NGF: variants seen among roughly 807,000 people sequenced by gnomAD.
NGF encodes beta-nerve growth factor.
A neutral mutation model predicts 12.8 loss-of-function variants in NGF; 4 were observed. The observed-to-expected ratio is 0.31, with a 90% CI of 0.15 to 0.72. The LOEUF is 0.72. Ranked by LOEUF, NGF falls within the 30% of genes least tolerant of loss-of-function variation. The pLI, the probability that NGF is intolerant of heterozygous loss-of-function variation, is 0.69. For missense variants in NGF, 283 were observed against 330.8 expected, an observed-to-expected ratio of 0.86 and a Z score of 1.12; for synonymous variants, 140 against 130.0, an observed-to-expected ratio of 1.08 and a Z score of -0.52.
intron 1 of NGF, among the ~76,000 whole-genome samples, chr1:115,328,950 G>C (rs953483238): frequency 1.1e-4 from 17 of 152,186 alleles, no homozygotes; most frequent in African/African-American, 4.1e-4. Context: ...CTTCTTTGCT[G>C]TGTTTGCCAG....
Position 115,316,296 on chromosome 1 carries a change from G to A in NGF, c.-137+21908C>T, listed in dbSNP as rs147032799. 2.4e-4 allele frequency among the ~76,000 whole-genome samples: 37 copies of A among 152,250 alleles called. No individual in the cohort carries two copies. In the East Asian group the frequency reaches 7.1e-3, roughly 29 times the overall value. On this transcript the variant is annotated intron_variant, in intron 1 of 2. Transcript: ENST00000369512. ...ATTCATTACATCTAGGGCTGGCTGGGAAGAGATCTAAGAGCCAATGTGGGC... is the reference window on the plus strand; with the variant it reads ...ATTCATTACATCTAGGGCTGGCTGGAAAGAGATCTAAGAGCCAATGTGGGC...
Position 115,317,776 on chromosome 1 carries a change from C to T in NGF, c.-137+20428G>A, listed in dbSNP as rs1316450284. Among the ~76,000 whole-genome samples the T allele has an allele frequency of 3.9e-5, 6 of 152,244 alleles. No individual in the cohort carries two copies. The East Asian group carries it at 1.2e-3, about 29-fold the overall frequency. ...TGTAACTTGAAATGCATCCCTGCCG[C>T]TGGCAGGAGTCCCGTGTTTACTGTA... On this transcript the variant is annotated intron_variant, in intron 1 of 2. Transcript: ENST00000369512.
At chr1:115,319,004 T>C (rs554112866) in intron 1 of NGF, among the ~76,000 whole-genome samples, 1 of 152,334 alleles carries the variant, frequency 6.6e-6, no homozygotes, top group East Asian at 1.9e-4. Flanking sequence ...ATTCAAACTC[T>C]GTATGTTCCT....
intron 2 of NGF, among the ~76,000 whole-genome samples, chr1:115,288,929 A>G (rs1213000438): frequency 1.3e-5 from 2 of 152,206 alleles, no homozygotes; most frequent in Admixed American, 1.3e-4. Flanking sequence ...AAGGCAACAC[A>G]TTCTTCTCCT....
At chr1:115,303,313 G>A (rs545439442) in intron 1 of NGF, among the ~76,000 whole-genome samples, 28 of 152,216 alleles carry the variant, frequency 1.8e-4, no homozygotes, top group African/African-American at 5.5e-4. Context: ...CTATCACAGC[G>A]TTTAGATAGG....
chr1:115,313,422 C>T (rs1654387752), intron 1 of NGF, among the ~76,000 whole-genome samples: 1 of 152,178 alleles, frequency 6.6e-6, no homozygotes, highest in Admixed American at 6.5e-5. Context: ...TGAACTGGGA[C>T]AGCTGTTGTT....
Position 115,328,768 on chromosome 1 carries a change from C to T in NGF, c.-137+9436G>A, listed in dbSNP as rs182699277. On this transcript the variant is annotated intron_variant, in intron 1 of 2. Transcript: ENST00000369512. The stretch of plus-strand genomic sequence containing the variant: ...AGTGGCAAGGCCATGAAAGGCCATG[C>T]TACCCAATGTCAGTGCCCAGTGACA... Among the ~76,000 whole-genome samples the T allele has an allele frequency of 1.2e-4, 19 of 152,300 alleles. No homozygotes were observed. The East Asian group carries it at 3.5e-3, about 28-fold the overall frequency.
At chr1:115,287,537 A>C (rs1653552431) in intron 2 of NGF, among the ~76,000 whole-genome samples, 1 of 152,132 alleles carries the variant, frequency 6.6e-6, no homozygotes, top group Non-Finnish European at 1.5e-5. Context: ...CTATCTTCTC[A>C]TGAGTCTGTG....
chr1:115,315,727 T>C (rs1431119840), intron 1 of NGF, among the ~76,000 whole-genome samples: 1 of 152,148 alleles, frequency 6.6e-6, no homozygotes, highest in African/African-American at 2.4e-5. Context: ...TAAATGTACA[T>C]TTGGTAAATA....
At chr1:115,297,690 C>T (rs751499794) in intron 1 of NGF, among the ~76,000 whole-genome samples, 1 of 152,156 alleles carries the variant, frequency 6.6e-6, no homozygotes, top group Non-Finnish European at 1.5e-5. Context: ...AATCACCATC[C>T]CCCTAATCCC....
chr1:115,333,405 C>T (rs182654148), intron 1 of NGF, among the ~76,000 whole-genome samples: 30 of 148,232 alleles, frequency 2.0e-4, no homozygotes, highest in African/African-American at 6.5e-4. Flanking sequence ...CCACCACAGG[C>T]GGTGCCAAAA....
chr1:115,316,915 T>G (rs1052859774), intron 1 of NGF, among the ~76,000 whole-genome samples: 1 of 152,224 alleles, frequency 6.6e-6, no homozygotes, highest in Non-Finnish European at 1.5e-5. Flanking sequence ...AGATATGCCA[T>G]GCTGCTTTTT....
intron 2 of NGF, among the ~76,000 whole-genome samples, chr1:115,287,861 T>C (rs963784432): frequency 1.3e-5 from 2 of 152,190 alleles, no homozygotes; most frequent in African/African-American, 4.8e-5. Context: ...ATCCCCCAAC[T>C]TGGTCAAGTA....
intron 1 of NGF, among the ~76,000 whole-genome samples, chr1:115,331,049 G>C (rs1654908801): frequency 6.6e-6 from 1 of 152,118 alleles, no homozygotes; most frequent in Non-Finnish European, 1.5e-5. Context: ...GGCAGAAAAA[G>C]CAATTCAAAA....
intron 1 of NGF, among the ~76,000 whole-genome samples, chr1:115,317,758 T>G (rs186277625): frequency 6.6e-6 from 1 of 152,390 alleles, no homozygotes; most frequent in Admixed American, 6.5e-5. Context: ...CTGTGTAACT[T>G]GAAATGCATC....
rs144407796 is a variant in NGF, at chr1:115,307,291, G to C, written c.-136-13541C>G. On this transcript the variant is annotated intron_variant, in intron 1 of 2. Coordinates refer to ENST00000369512, the MANE Select transcript of NGF (RefSeq NM_002506.3). ...AGGGGAGTAAGAGAATGAGAGCAAA[G>C]AGTAAATGAGAAGTGGGGGAAGCAG... Among the ~76,000 whole-genome samples the C allele has an allele frequency of 8.5e-5, 13 of 152,286 alleles. No individual in the cohort carries two copies. In the East Asian group the frequency reaches 2.5e-3, roughly 29 times the overall value.
At chr1:115,334,973 T>C (rs1309922954) in intron 1 of NGF, among the ~76,000 whole-genome samples, 1 of 152,176 alleles carries the variant, frequency 6.6e-6, no homozygotes, top group East Asian at 1.9e-4. Context: ...TAACAGGAAG[T>C]TTACCCAAAA....
At chr1:115,325,963 G>A (rs559219649) in intron 1 of NGF, among the ~76,000 whole-genome samples, 110 of 152,222 alleles carry the variant, frequency 7.2e-4, no homozygotes, top group African/African-American at 2.6e-3. Context: ...AATTTGAGAT[G>A]TCCTTTAGAC....
intron 1 of NGF, among the ~76,000 whole-genome samples, chr1:115,324,701 G>A (rs115929765): frequency 2.1e-3 from 320 of 152,210 alleles, no homozygotes; most frequent in African/African-American, 7.4e-3. Flanking sequence ...TCCATTTTAG[G>A]GCTAGCTCAT....
Sources: allele counts gnomAD v4.1 joint callset (sites outside exome capture counted in the v4.1 genomes callset), GRCh38; gene constraint gnomAD v4.1.1; transcripts MANE v1.5; gene names NCBI Gene and HGNC (gene_info 2026-07-23, HGNC 2026-07-21).